The following SANBR variants were observed in gnomAD, a reference collection of about 807,000 sequenced individuals.
SANBR encodes the protein SANT and BTB domain regulator of CSR.
Under a neutral mutation model 101.8 loss-of-function variants are expected in SANBR, and 77 were observed. The ratio of observed to expected loss-of-function variants is 0.76; its 90% CI spans 0.63 to 0.91. The LOEUF (loss-of-function observed/expected upper bound fraction) is 0.91. SANBR is among the 40% of genes least tolerant of loss of function. The probability of loss-of-function intolerance (pLI) is 0.00; values close to 1 mark genes in which losing one functional copy is unlikely to be tolerated. For missense variants in SANBR, 875 were observed against 853.0 expected (o/e 1.03, Z -0.32); for synonymous variants, 279 against 274.7 (o/e 1.02, Z -0.15).
intron 12 of SANBR, among the ~76,000 whole-genome samples, chr2:61,098,425 G>T (rs1028553288): frequency 1.3e-5 from 2 of 151,980 alleles, no homozygotes; most frequent in Non-Finnish European, 2.9e-5. Flanking sequence ...TTTTTATATT[G>T]GAAACAAGAT....
At chr2:61,103,773 C>A in intron 12 of SANBR, 80 bp from the exon 13 acceptor site, 1 of 1,332,108 alleles carries the variant, frequency 7.5e-7, no homozygotes, top group Admixed American at 2.1e-5. Context: ...TATGACTTGG[C>A]AAAGAAAAGA....
At chr2:61,130,380 A>G (rs1268012977) in intron 20 of SANBR, among the ~76,000 whole-genome samples, 1 of 152,212 alleles carries the variant, frequency 6.6e-6, no homozygotes, top group Non-Finnish European at 1.5e-5. Context: ...GAATAGTTCT[A>G]TAACAACTAA....
chr2:61,066,929 T>C (rs1681206487), intron 1 of SANBR, among the ~76,000 whole-genome samples: 1 of 152,206 alleles, frequency 6.6e-6, no homozygotes, highest in African/African-American at 2.4e-5. Context: ...ATAACGTATT[T>C]TACCTTAAAT....
chr2:61,085,358 A>G (rs1333947580), intron 8 of SANBR, among the ~76,000 whole-genome samples: 1 of 152,000 alleles, frequency 6.6e-6, no homozygotes, highest in African/African-American at 2.4e-5. Context: ...CCAAATAGAT[A>G]TCTAGTTGAC....
At chr2:61,090,956 T>A (rs1682722972) in intron 10 of SANBR, among the ~76,000 whole-genome samples, 1 of 150,592 alleles carries the variant, frequency 6.6e-6, no homozygotes, top group Non-Finnish European at 1.5e-5. Context: ...TCACCCAGGC[T>A]GGAGTGCAAT....
chr2:61,108,789 C>T lies in SANBR; in HGVS notation c.1645-408C>T, dbSNP rs191419917. Among the ~76,000 whole-genome samples the T allele has an allele frequency of 1.2e-4, 18 of 152,032 alleles. No individual in the cohort carries two copies. In the East Asian group the frequency reaches 3.3e-3, roughly 28 times the overall value. On this transcript the variant is annotated intron_variant, in intron 15 of 21. Coordinates refer to ENST00000402291, the MANE Select transcript of SANBR (RefSeq NM_001129993.3). The stretch of plus-strand genomic sequence containing the variant: ...GGCACAGAGATGCAGGAAAGTAATG[C>T]AGATATGGTTAAATAATCCAGGACC...
At chr2:61,081,870 A>G (rs368636468) in intron 7 of SANBR, among the ~76,000 whole-genome samples, 15 of 152,152 alleles carry the variant, frequency 9.9e-5, no homozygotes, top group African/African-American at 3.6e-4. Flanking sequence ...GCTGGTCTCG[A>G]ACTCCTAATC....
At chr2:61,072,581 A>C (rs1364834952) in intron 4 of SANBR, among the ~76,000 whole-genome samples, 4 of 152,110 alleles carry the variant, frequency 2.6e-5, no homozygotes, top group African/African-American at 7.2e-5. Flanking sequence ...TGTCTGTAAA[A>C]AAATTTAAAC....
intron 2 of SANBR, among the ~76,000 whole-genome samples, chr2:61,069,197 G>A (rs1260359592): frequency 6.6e-6 from 1 of 152,148 alleles, no homozygotes; most frequent in Non-Finnish European, 1.5e-5. Context: ...CCCCTGTGCT[G>A]TGTTTTAAAT....
chr2:61,105,030 T>C (rs1683487814), intron 13 of SANBR, among the ~76,000 whole-genome samples: 1 of 151,236 alleles, frequency 6.6e-6, no homozygotes, highest in Admixed American at 6.6e-5. Context: ...GAAGTCACTT[T>C]CATCATTTTG....
intron 10 of SANBR, 103 bp downstream of exon 10, chr2:61,088,571 G>T (rs144197112): frequency 1.4e-6 from 1 of 722,306 alleles, no homozygotes; most frequent in Non-Finnish European, 2.1e-6. Flanking sequence ...CCAGGCTGGC[G>T]TGCAGTGGTG....
chr2:61,087,656 C>T (rs1438175556), intron 8 of SANBR, among the ~76,000 whole-genome samples: 2 of 152,076 alleles, frequency 1.3e-5, no homozygotes, highest in East Asian at 3.9e-4. Context: ...TCGAGACCAT[C>T]CTGGCCAATA....
chr2:61,080,089 C>T (rs945506297), intron 6 of SANBR, among the ~76,000 whole-genome samples: 2 of 146,900 alleles, frequency 1.4e-5, no homozygotes, highest in Admixed American at 6.9e-5. Context: ...CCCAGCTACT[C>T]GGGAGGCTGA....
chr2:61,068,872 TTAAC>T lies in SANBR; in HGVS notation c.-119_-116del, dbSNP rs1681316162. The T allele has an allele frequency of 1.3e-5, 2 of 152,340 alleles. No individual in the cohort carries two copies. The highest frequency in any genetic ancestry group is 1.9e-4 in the East Asian group (1 of 5,340). The allele number at this position is 152,340 out of a possible 1,614,324, so 9.4% of individuals were successfully genotyped here. Reference sequence around the variant, plus strand: ...AGATGAGGAAATTGAGGCACAGAGATTAACTAATCTGAACCAGATAATGCCATAA... The same window carrying T: ...AGATGAGGAAATTGAGGCACAGAGATTAATCTGAACCAGATAATGCCATAA... On this transcript the variant is annotated 5_prime_UTR_variant, in exon 2 of 22. Transcript: ENST00000402291.
chr2:61,088,642 TC>T, intron 10 of SANBR, 174 bp downstream of exon 10: 1 of 403,014 alleles, frequency 2.5e-6, no homozygotes, highest in Non-Finnish European at 4.2e-6. Flanking sequence ...TGCCTCAGCT[TC>T]CTGAGAAGCT....
chr2:61,108,231 C>A, intron 14 of SANBR, 86 bp from the exon 15 acceptor site: 1 of 758,264 alleles, frequency 1.3e-6, no homozygotes. Flanking sequence ...TAACTTTTTT[C>A]AACTCTTCTA....
At chr2:61,091,564 C>A (rs1438122852) in intron 10 of SANBR, among the ~76,000 whole-genome samples, 1 of 150,212 alleles carries the variant, frequency 6.7e-6, no homozygotes, top group Admixed American at 6.7e-5. Flanking sequence ...CACTTCACTC[C>A]AGCCTGGGCG....
chr2:61,104,254 G>A lies in SANBR; in HGVS notation c.1511+256G>A, dbSNP rs557330889. ...TCCCAGCACTTTCGGAGGCCAAGGC[G>A]GGCGGATCACGAGGTCAGGAGATCG... On this transcript the variant is annotated intron_variant, in intron 13 of 21. Transcript: ENST00000402291. 1.4e-4 allele frequency among the ~76,000 whole-genome samples: 21 copies of A among 152,080 alleles called. No homozygotes were observed. The South Asian group carries it at 1.7e-3, about 12-fold the overall frequency.
chr2:61,074,839 A>G (rs908205247), intron 5 of SANBR: 3 of 152,198 alleles, frequency 2.0e-5, no homozygotes, highest in Non-Finnish European at 4.4e-5. Context: ...TAGTTCAATT[A>G]TTACCTGTTT....
Sources: gnomAD v4.1 joint callset for allele counts (sites outside exome capture counted in the v4.1 genomes callset) on GRCh38, gnomAD v4.1.1 for gene constraint, MANE v1.5 for transcripts, NCBI Gene and HGNC (gene_info 2026-07-23, HGNC 2026-07-21) for gene names.